TMEM192: variants seen among roughly 807,000 people sequenced by gnomAD.
TMEM192 encodes transmembrane protein 192.
Under a neutral mutation model 26.7 loss-of-function variants are expected in TMEM192, and 20 were observed. The observed-to-expected ratio is 0.75, with a 90% CI of 0.53 to 1.09. TMEM192 has a LOEUF of 1.09. Ranked by LOEUF, TMEM192 falls within the 50% of genes least tolerant of loss-of-function variation. TMEM192 has a pLI of 0.00. For missense variants in TMEM192, 304 were observed against 322.6 expected, an observed-to-expected ratio of 0.94 and a Z score of 0.44; for synonymous variants, 124 against 121.0, an observed-to-expected ratio of 1.02 and a Z score of -0.16.
chr4:165,075,620 A>C lies in TMEM192; in HGVS notation c.*4038T>G, dbSNP rs1309902707. On this transcript the variant is annotated 3_prime_UTR_variant, in exon 6 of 6. Coordinates refer to ENST00000306480, the MANE Select transcript of TMEM192 (RefSeq NM_001100389.2). ...GAGCCTGCTCTGTGGCCCAGGCTAGAGTACAGTGGCGTGATCTTGCCTCAC... is the reference window on the plus strand; with the variant it reads ...GAGCCTGCTCTGTGGCCCAGGCTAGCGTACAGTGGCGTGATCTTGCCTCAC... The C allele has an allele frequency of 6.8e-6, 1 of 146,654 alleles. No homozygotes were observed. The highest frequency in any genetic ancestry group is 1.5e-5 in the Non-Finnish European group (1 of 66,896). The allele number at this position is 146,654 out of a possible 1,614,324, so 9.1% of individuals were successfully genotyped here. A position where few individuals can be genotyped will look rare whatever the true frequency, so the allele number is the denominator to read the frequency against.
At chr4:165,091,930 AT>A (rs1415703952) in intron 3 of TMEM192, among the ~76,000 whole-genome samples, 1 of 152,140 alleles carries the variant, frequency 6.6e-6, no homozygotes, top group East Asian at 1.9e-4. Context: ...CTAGGAGCCC[AT>A]TCTGGTCACC....
intron 3 of TMEM192, among the ~76,000 whole-genome samples, chr4:165,089,422 C>T (rs769289804): frequency 2.0e-5 from 3 of 152,072 alleles, no homozygotes; most frequent in African/African-American, 2.4e-5. Context: ...CCAGGTTTCA[C>T]GCCATTCTCC....
chr4:165,105,685 G>A (rs187257282), intron 1 of TMEM192, among the ~76,000 whole-genome samples: 94 of 152,066 alleles, frequency 6.2e-4, no homozygotes, highest in African/African-American at 2.1e-3. Flanking sequence ...AAAATCAACA[G>A]GGTCTCGCTA....
rs1202475364 is a variant in TMEM192 at position 165,097,021 on chromosome 4, C to A, written c.439+3607G>T. ...CTGGCCAAAAGAGAGAGCTGCACATCAACAGTTGAACATTCTCAAGCTCAT... is the reference window on the plus strand; with the variant it reads ...CTGGCCAAAAGAGAGAGCTGCACATAAACAGTTGAACATTCTCAAGCTCAT... On this transcript the variant is annotated intron_variant, in intron 3 of 5. Coordinates refer to ENST00000306480, the MANE Select transcript of TMEM192 (RefSeq NM_001100389.2). Among the ~76,000 whole-genome samples, 11 of 151,942 alleles carry A rather than the reference C, an allele frequency of 7.2e-5. No individual in the cohort carries two copies. In the East Asian group the frequency reaches 2.1e-3, roughly 29 times the overall value.
At chr4:165,096,873 A>G (rs1734919241) in intron 3 of TMEM192, among the ~76,000 whole-genome samples, 5 of 152,218 alleles carry the variant, frequency 3.3e-5, no homozygotes. Flanking sequence ...CTTCCAAAAT[A>G]CTATTTCCAG....
intron 3 of TMEM192, among the ~76,000 whole-genome samples, chr4:165,092,513 A>AC (rs1734792122): frequency 6.6e-6 from 1 of 152,012 alleles, no homozygotes; most frequent in South Asian, 2.1e-4. Context: ...ACCTGTTTGC[A>AC]CCCCCTACCA....
Position 165,100,820 on chromosome 4 carries a change from G to C in TMEM192, c.247C>G (p.Pro83Ala). ...TTCAATGGGTTTGTGTAATTTCCTG[G>C]GCACTTGTCCTCATTTGGATTAGGA... ...SYPNPNEDKC[P>A]GNYTNPLKVQ... Residue 83 changes from proline (P) to alanine (A), a missense_variant, in exon 3 of 6, where the codon CCA becomes GCA. Transcript: ENST00000306480. 1.2e-6 allele frequency: 2 copies of C among 1,613,930 alleles called. No individual in the cohort carries two copies. The highest frequency in any genetic ancestry group is 1.7e-6 in the Non-Finnish European group (2 of 1,179,998).
In TMEM192 at chr4:165,073,632, C is replaced by G. The variant is rs142467343; in HGVS notation, c.*6026G>C. 1 of 151,988 alleles carries G rather than the reference C, an allele frequency of 6.6e-6. No homozygotes were observed. Among genetic ancestry groups the G allele is most frequent in the East Asian group, 1.9e-4 (1 of 5,156 alleles). 9.4% of individuals were successfully genotyped at this position (151,988 alleles called of 1,614,324 possible). On this transcript the variant is annotated 3_prime_UTR_variant, in exon 6 of 6. Coordinates refer to ENST00000306480, the MANE Select transcript of TMEM192 (RefSeq NM_001100389.2). ...AAGAGGAAGGCTTCTGTCTCCTGCT[C>G]GTCCCTGGGAATGGAATGTCTCGGT...
At position 165,112,835 on chromosome 4, in the gene TMEM192, T is replaced by C; in HGVS notation, c.-62A>G. 1 of 1,577,220 alleles carries C rather than the reference T, an allele frequency of 6.3e-7. No individual in the cohort carries two copies. Among genetic ancestry groups the C allele is most frequent in the Admixed American group, 1.7e-5 (1 of 57,354 alleles). On this transcript the variant is annotated 5_prime_UTR_variant, in exon 1 of 6. Transcript: ENST00000306480. ...GCCTCTCCACCTGGACCTGTAAGCC[T>C]CTGGCCGCGAAACTCGCCACCTTCT... is the stretch of plus-strand genomic sequence containing the variant.
At position 165,100,884 on chromosome 4, in the gene TMEM192, A is replaced by G; in HGVS notation, c.183T>C (p.Phe61=). The G allele has an allele frequency of 6.2e-7, 1 of 1,610,896 alleles. No homozygotes were observed. The highest frequency in any genetic ancestry group is 8.5e-7 in the Non-Finnish European group (1 of 1,178,772). The change falls in exon 3 of 6, where the codon TTT becomes TTC. Residue 61 remains phenylalanine, a synonymous_variant. Coordinates refer to ENST00000306480, the MANE Select transcript of TMEM192 (RefSeq NM_001100389.2). ...VNLLWFIHLV[F]VVLAFLTGVL... is the part of the protein sequence containing the mutation. ...CACCTGTTAAAAATGCTAAAACAAC[A>G]AACACGAGCTGGGGGAAAGGAGAGC...
intron 2 of TMEM192, 137 bp from the exon 3 acceptor site, chr4:165,101,029 T>C (rs1054058106): frequency 2.8e-5 from 26 of 926,882 alleles, no homozygotes; most frequent in African/African-American, 5.5e-5. Context: ...CAGGCTGGAG[T>C]GCAGTGGCGC....
intron 5 of TMEM192, among the ~76,000 whole-genome samples, chr4:165,080,312 C>CA (rs1305840021): frequency 4.6e-5 from 7 of 151,720 alleles, no homozygotes; most frequent in African/African-American, 1.5e-4. Flanking sequence ...ATAAAACAAA[C>CA]AAAAAAAATC....
At chr4:165,112,081 TTTTTTG>T (rs1191656077) in intron 1 of TMEM192, among the ~76,000 whole-genome samples, 3 of 152,252 alleles carry the variant, frequency 2.0e-5, no homozygotes, top group East Asian at 1.9e-4. Context: ...GGTTTTTTGT[TTTTTTG>T]TTTTTGTTTT....
chr4:165,090,530 A>G (rs988633782), intron 3 of TMEM192, among the ~76,000 whole-genome samples: 1 of 152,150 alleles, frequency 6.6e-6, no homozygotes, highest in African/African-American at 2.4e-5. Context: ...CTGGCTGTTC[A>G]TCTATCTCCT....
chr4:165,095,941 G>A (rs1296566120), intron 3 of TMEM192, among the ~76,000 whole-genome samples: 1 of 132,124 alleles, frequency 7.6e-6, no homozygotes, highest in South Asian at 2.6e-4. Context: ...CCCCAGTCAT[G>A]CCCAGCTAAT....
chr4:165,070,980 T>C lies in TMEM192; in HGVS notation c.*8678A>G, dbSNP rs1342073537. The C allele has an allele frequency of 6.6e-6, 1 of 152,108 alleles. No individual in the cohort carries two copies. The highest frequency in any genetic ancestry group is 1.5e-5 in the Non-Finnish European group (1 of 68,036). The allele number at this position is 152,108 out of a possible 1,614,324, so 9.4% of individuals were successfully genotyped here. A position where few individuals can be genotyped will look rare whatever the true frequency, so the allele number is the denominator to read the frequency against. On this transcript the variant is annotated 3_prime_UTR_variant, in exon 6 of 6. Transcript: ENST00000306480. ...AACAAGTAAGTTACATGCAGTATTT[T>C]CCCCTTATCTACAGGGGAAACATTA...
chr4:165,107,682 C>T (rs918780838), intron 1 of TMEM192, among the ~76,000 whole-genome samples: 17 of 152,110 alleles, frequency 1.1e-4, no homozygotes, highest in Admixed American at 1.0e-3. Flanking sequence ...CTCCTGGTGC[C>T]GTCTGCTTAT....
intron 5 of TMEM192, among the ~76,000 whole-genome samples, chr4:165,080,063 C>A (rs923959174): frequency 3.9e-5 from 6 of 152,178 alleles, no homozygotes; most frequent in Middle Eastern, 3.4e-3. Context: ...TAAGAAGGAT[C>A]CTAATTTGTT....
chr4:165,090,637 G>T (rs112812403), intron 3 of TMEM192, among the ~76,000 whole-genome samples: 1 of 152,292 alleles, frequency 6.6e-6, no homozygotes, highest in African/African-American at 2.4e-5. Context: ...AGGTGTGGTG[G>T]CTCACACTTG....
Sources: gnomAD v4.1 joint callset for allele counts (sites outside exome capture counted in the v4.1 genomes callset) on GRCh38, gnomAD v4.1.1 for gene constraint, MANE v1.5 for transcripts, NCBI Gene and HGNC (gene_info 2026-07-23, HGNC 2026-07-21) for gene names.